NOL4L: variants seen among roughly 807,000 people sequenced by gnomAD.
The protein encoded by NOL4L is nucleolar protein 4-like.
Under a neutral mutation model 64.5 loss-of-function variants are expected in NOL4L, and 7 were observed. The observed-to-expected ratio is 0.11, with a 90% CI of 0.06 to 0.20. The LOEUF is 0.20. NOL4L is among the 10% of genes least tolerant of loss of function. NOL4L has a pLI of 1.00. For synonymous variants in NOL4L, 413 were observed against 401.0 expected, an observed-to-expected ratio of 1.03 and a Z score of -0.36; for missense variants, 680 against 967.1, an observed-to-expected ratio of 0.70 and a Z score of 3.94.
chr20:32,511,569 C>T, intron 3 of NOL4L, 113 bp from the exon 4 acceptor site: 1 of 687,116 alleles, frequency 1.5e-6, no homozygotes, highest in Non-Finnish European at 2.5e-6. Flanking sequence ...GGAGAAGGGA[C>T]AGGTCAGAGG....
chr20:32,456,293 C>A lies in NOL4L; in HGVS notation c.944G>T (p.Gly315Val). The A allele has an allele frequency of 6.3e-7, 1 of 1,583,386 alleles. No individual in the cohort carries two copies. The change falls in exon 6 of 11, where the codon GGC becomes GTC. Residue 315 changes from glycine to valine, a missense_variant. Physicochemically the swap from Gly to Val is moderately radical, Grantham distance 109 (BLOSUM62 -3). This residue lies in a region of NOL4L where 254 missense variants were observed against 238.7 expected (regional missense o/e 1.06). Transcript: ENST00000621426. The part of the protein sequence containing the change: ...QGDPAFPEMN[G>V]NGAVAPMDFT... ...GTCCATGGGGGCCACGGCGCCGTTG[C>A]CATTCATCTCGGGGAAGGCAGGGTC...
chr20:32,516,999 A>G (rs1021446199), intron 3 of NOL4L, among the ~76,000 whole-genome samples: 2 of 152,212 alleles, frequency 1.3e-5, no homozygotes, highest in Non-Finnish European at 2.9e-5. Flanking sequence ...CCCACTTTGC[A>G]TGCTGTGTCC....
chr20:32,524,423 G>A (rs1259190827), intron 2 of NOL4L, among the ~76,000 whole-genome samples: 1 of 152,192 alleles, frequency 6.6e-6, no homozygotes. Context: ...TCCACGGGTG[G>A]ACAGCAGTAG....
At chr20:32,536,953 C>T (rs1305587382) in intron 1 of NOL4L, 2 of 614,066 alleles carry the variant, frequency 3.3e-6, no homozygotes, top group Non-Finnish European at 4.1e-6. Flanking sequence ...GAGACCGCGC[C>T]CGCGCGGGCC....
At chr20:32,511,713 G>A (rs1157525791) in intron 3 of NOL4L, among the ~76,000 whole-genome samples, 1 of 152,206 alleles carries the variant, frequency 6.6e-6, no homozygotes, top group African/African-American at 2.4e-5. Flanking sequence ...GGCCGGGCGT[G>A]CTGGCTCATG....
At chr20:32,482,507 A>C (rs6058715) in intron 4 of NOL4L, among the ~76,000 whole-genome samples, 2,896 of 152,156 alleles carry the variant, frequency 0.019, 60 homozygotes, top group African/African-American at 0.052. Flanking sequence ...CTCCCTATCC[A>C]AAGTGTCCAG....
chr20:32,555,353 A>C (rs768106692), intron 1 of NOL4L, among the ~76,000 whole-genome samples: 14 of 152,042 alleles, frequency 9.2e-5, no homozygotes, highest in Non-Finnish European at 2.1e-4. Flanking sequence ...GCTCTATTGC[A>C]CAGGCTGGAG....
intron 1 of NOL4L, among the ~76,000 whole-genome samples, chr20:32,584,345 G>C (rs1253789336): frequency 6.6e-6 from 1 of 151,262 alleles, no homozygotes; most frequent in Non-Finnish European, 1.5e-5. Flanking sequence ...GCCACGGCCC[G>C]GGCAGCGGCG....
intron 1 of NOL4L, among the ~76,000 whole-genome samples, chr20:32,549,375 C>T (rs1051374570): frequency 1.3e-5 from 2 of 152,156 alleles, no homozygotes; most frequent in African/African-American, 2.4e-5. Flanking sequence ...TCAACATCAT[C>T]GGCCATCAGG....
chr20:32,508,591 C>G (rs1423090364), intron 4 of NOL4L, among the ~76,000 whole-genome samples: 1 of 152,216 alleles, frequency 6.6e-6, no homozygotes, highest in Non-Finnish European at 1.5e-5. Flanking sequence ...CCATCTCCTG[C>G]CGCACTCAGA....
At chr20:32,540,106 G>A (rs1479156793) in intron 1 of NOL4L, among the ~76,000 whole-genome samples, 2 of 152,192 alleles carry the variant, frequency 1.3e-5, no homozygotes, top group Non-Finnish European at 2.9e-5. Flanking sequence ...TCTGTCTGCT[G>A]GGCTGGGCAG....
At chr20:32,524,825 G>A in intron 2 of NOL4L, among the ~76,000 whole-genome samples, 1 of 152,176 alleles carries the variant, frequency 6.6e-6, no homozygotes, top group East Asian at 1.9e-4. Flanking sequence ...AGGCATCCAG[G>A]CACCACCCCC....
At chr20:32,576,354 A>G (rs1423393684) in intron 1 of NOL4L, among the ~76,000 whole-genome samples, 1 of 152,210 alleles carries the variant, frequency 6.6e-6, no homozygotes, top group Admixed American at 6.5e-5. Context: ...CTTTGAAGGT[A>G]GAACCAACAG....
At chr20:32,485,077 A>C (rs1180728076) in intron 4 of NOL4L, among the ~76,000 whole-genome samples, 3 of 148,326 alleles carry the variant, frequency 2.0e-5, no homozygotes, top group South Asian at 2.2e-4. Flanking sequence ...AAAAAAAAAA[A>C]AAAAAAAAAA....
intron 1 of NOL4L, among the ~76,000 whole-genome samples, chr20:32,567,749 C>T (rs1426118800): frequency 5.3e-5 from 8 of 152,188 alleles, no homozygotes; most frequent in Non-Finnish European, 1.2e-4. Context: ...CAAACACACA[C>T]AGAGCACTTA....
At chr20:32,484,844 G>C (rs2015986885) in intron 4 of NOL4L, among the ~76,000 whole-genome samples, 1 of 151,654 alleles carries the variant, frequency 6.6e-6, no homozygotes, top group Non-Finnish European at 1.5e-5. Flanking sequence ...TGGGAGCCCT[G>C]GACCTCCGAG....
At chr20:32,548,685 A>G (rs2145603344) in intron 1 of NOL4L, 1 of 325,324 alleles carries the variant, frequency 3.1e-6, no homozygotes, top group South Asian at 2.3e-5. Context: ...GGCAGTCTGT[A>G]TCATCTCCAA....
Position 32,453,555 on chromosome 20 carries a change from CT to C in NOL4L, c.1305+20del, listed in dbSNP as rs757881964. The C allele has an allele frequency of 6.2e-7, 1 of 1,613,618 alleles. No homozygotes were observed. Among genetic ancestry groups the C allele is most frequent in the African/African-American group, 1.3e-5 (1 of 74,930 alleles). On this transcript the variant is annotated intron_variant, in intron 7 of 10. Coordinates refer to ENST00000621426, the MANE Select transcript of NOL4L (RefSeq NM_001256798.2). The surrounding 1 kb of genome is among the most constrained non-coding windows in gnomAD (Gnocchi z 5.6). The stretch of plus-strand genomic sequence containing the variant: ...TGGCCTTGCCCCCATCCCACCCCAC[CT>C]GTTTCCGGCCGGTGCTCACGTTGAA...
intron 1 of NOL4L, among the ~76,000 whole-genome samples, chr20:32,571,459 G>A (rs778561952): frequency 3.9e-5 from 6 of 152,286 alleles, no homozygotes; most frequent in Non-Finnish European, 7.4e-5. Flanking sequence ...CACTCACCTC[G>A]GCCTCCCAGA....
Sources: allele counts gnomAD v4.1 joint callset (sites outside exome capture counted in the v4.1 genomes callset), GRCh38; gene constraint gnomAD v4.1.1; regional missense constraint gnomAD v4.1.1; non-coding constraint Gnocchi (gnomAD v3.1); transcripts MANE v1.5; gene names NCBI Gene and HGNC (gene_info 2026-07-23, HGNC 2026-07-21).